Variants in UCK2 observed in about 807,000 individuals in gnomAD.
The protein encoded by UCK2 is cytidine monophosphokinase 2.
Under a neutral mutation model 30.8 loss-of-function variants are expected in UCK2, and 6 were observed. That is an observed-to-expected ratio of 0.19 (90% confidence interval 0.11 to 0.38). The LOEUF is 0.38. Ranked by LOEUF, UCK2 falls within the 10% of genes least tolerant of loss-of-function variation. The probability of loss-of-function intolerance (pLI) is 1.00; values close to 1 mark genes in which losing one functional copy is unlikely to be tolerated. For missense variants in UCK2, 210 were observed against 339.8 expected, an observed-to-expected ratio of 0.62 and a Z score of 3.00; for synonymous variants, 125 against 133.6, an observed-to-expected ratio of 0.94 and a Z score of 0.45.
chr1:165,851,957 C>T (rs1473832764), intron 1 of UCK2, among the ~76,000 whole-genome samples: 1 of 152,186 alleles, frequency 6.6e-6, no homozygotes, highest in Non-Finnish European at 1.5e-5. Context: ...AGTATATGTA[C>T]TACATTTTCT....
At chr1:165,877,729 A>AT (rs914314637) in intron 1 of UCK2, among the ~76,000 whole-genome samples, 6 of 152,102 alleles carry the variant, frequency 3.9e-5, no homozygotes, top group African/African-American at 1.4e-4. Context: ...TTGTGTATGT[A>AT]TTTTTGTGTG....
At chr1:165,836,927 C>A (rs1171139253) in intron 1 of UCK2, among the ~76,000 whole-genome samples, 3 of 152,126 alleles carry the variant, frequency 2.0e-5, no homozygotes, top group Non-Finnish European at 2.9e-5. Context: ...TTTGCTGTGT[C>A]ATGGTCATCC....
rs144103233 is a variant in UCK2 at position 165,835,659 on chromosome 1, A to G, written c.99+7727A>G. Among the ~76,000 whole-genome samples the G allele has an allele frequency of 2.5e-3, 375 of 152,262 alleles. 2 individuals carry two copies. The highest frequency in any genetic ancestry group is 2.7e-3 in the Non-Finnish European group (185 of 68,018). Reference sequence around the variant, plus strand: ...CTCTAAATCTATAATAATTTGACCTATTGTCATACATTTTAAAACATGTAG... The same window carrying G: ...CTCTAAATCTATAATAATTTGACCTGTTGTCATACATTTTAAAACATGTAG... On this transcript the variant is annotated intron_variant, in intron 1 of 6. Coordinates refer to ENST00000367879, the MANE Select transcript of UCK2 (RefSeq NM_012474.5).
chr1:165,872,383 G>A (rs1040233633), intron 1 of UCK2, among the ~76,000 whole-genome samples: 2 of 152,070 alleles, frequency 1.3e-5, no homozygotes, highest in South Asian at 4.1e-4. Flanking sequence ...CCGTCTTTTA[G>A]GCATATAAAA....
intron 1 of UCK2, chr1:165,885,483 GGAC>G (rs1655594529): frequency 2.5e-6 from 1 of 395,296 alleles, no homozygotes; most frequent in Admixed American, 4.4e-5. Context: ...CTTTGTATTT[GGAC>G]AACACCCAAC....
chr1:165,852,735 T>A (rs973556802), intron 1 of UCK2, among the ~76,000 whole-genome samples: 4 of 152,220 alleles, frequency 2.6e-5, no homozygotes. Context: ...TCCTTCCTTA[T>A]ATAAGTTCTT....
intron 1 of UCK2, among the ~76,000 whole-genome samples, chr1:165,850,235 A>T (rs1206323423): frequency 6.6e-6 from 1 of 151,012 alleles, no homozygotes; most frequent in Non-Finnish European, 1.5e-5. Flanking sequence ...GGTTCAAGCG[A>T]TTCTCCTGCC....
At chr1:165,861,459 T>C (rs1301760385) in intron 1 of UCK2, among the ~76,000 whole-genome samples, 1 of 150,776 alleles carries the variant, frequency 6.6e-6, no homozygotes, top group Non-Finnish European at 1.5e-5. Flanking sequence ...AAACCCCGTC[T>C]CTACTAAAAA....
chr1:165,902,626 C>T (rs1366099183), intron 4 of UCK2: 1 of 37,816 alleles, frequency 2.6e-5, no homozygotes, highest in Non-Finnish European at 6.1e-5. Context: ...TTTTGGCAAA[C>T]CTCTGTGCAT....
At chr1:165,839,750 A>G (rs10918291) in intron 1 of UCK2, among the ~76,000 whole-genome samples, 64,908 of 151,958 alleles carry the variant, frequency 0.43, 13,887 homozygotes, top group South Asian at 0.55. Flanking sequence ...ACCTATTCCT[A>G]CATCTGTGAA....
chr1:165,845,474 C>T (rs945374556), intron 1 of UCK2, among the ~76,000 whole-genome samples: 20 of 151,944 alleles, frequency 1.3e-4, no homozygotes, highest in Admixed American at 3.3e-4. Context: ...TTTTTTTCTT[C>T]GCAACTCTTT....
chr1:165,879,545 T>TTATTATTATTA (rs1655426276), intron 1 of UCK2, among the ~76,000 whole-genome samples: 61 of 146,878 alleles, frequency 4.2e-4, no homozygotes, highest in African/African-American at 1.5e-3. Flanking sequence ...ATGTTTGCTT[T>TTATTATTATTA]TTATTATTAT....
intron 4 of UCK2, among the ~76,000 whole-genome samples, chr1:165,897,044 G>A (rs1647283646): frequency 6.6e-6 from 1 of 152,226 alleles, no homozygotes; most frequent in Non-Finnish European, 1.5e-5. Flanking sequence ...ACTTGGATGT[G>A]GTGGGGTAGG....
intron 1 of UCK2, among the ~76,000 whole-genome samples, chr1:165,830,788 T>A (rs1654028783): frequency 6.6e-6 from 1 of 151,830 alleles, no homozygotes; most frequent in African/African-American, 2.4e-5. Context: ...AATCCTAGCA[T>A]TTTGGGAGGC....
chr1:165,903,422 G>A, intron 5 of UCK2, 143 bp downstream of exon 5: 1 of 689,242 alleles, frequency 1.5e-6, no homozygotes, highest in Non-Finnish European at 2.4e-6. Flanking sequence ...AGTCCTAAGA[G>A]AGGGCAGCCC....
Position 165,906,577 on chromosome 1 carries a change from T to A in UCK2, c.646+608T>A, listed in dbSNP as rs139827315. Among the ~76,000 whole-genome samples, 761 of 152,292 alleles carry A rather than the reference T, an allele frequency of 5.0e-3. 3 individuals are homozygous for A. Among genetic ancestry groups the A allele is most frequent in the African/African-American group, 0.018 (729 of 41,564 alleles). On this transcript the variant is annotated intron_variant, in intron 6 of 6. Coordinates refer to ENST00000367879, the MANE Select transcript of UCK2 (RefSeq NM_012474.5). ...GTAGAGATGGTTTCATTATGTTGCC[T>A]AAGCTGGTCTAAAACTCCTACCTCA...
chr1:165,892,640 T>G (rs931593855), intron 3 of UCK2: 5 of 152,176 alleles, frequency 3.3e-5, no homozygotes, highest in African/African-American at 7.2e-5. Flanking sequence ...GGGGAAGTGG[T>G]GGTGGTGTCA....
intron 1 of UCK2, among the ~76,000 whole-genome samples, chr1:165,860,385 G>T (rs1654865158): frequency 6.6e-6 from 1 of 152,078 alleles, no homozygotes; most frequent in Non-Finnish European, 1.5e-5. Context: ...GTGACCTAGG[G>T]TTATAATTCA....
intron 1 of UCK2, among the ~76,000 whole-genome samples, chr1:165,853,155 G>A (rs1172826058): frequency 6.6e-6 from 1 of 152,126 alleles, no homozygotes; most frequent in African/African-American, 2.4e-5. Context: ...AGGCTTTAGC[G>A]CTAGTGCTGA....
Sources: allele counts gnomAD v4.1 joint callset (sites outside exome capture counted in the v4.1 genomes callset), GRCh38; gene constraint gnomAD v4.1.1; transcripts MANE v1.5; gene names NCBI Gene and HGNC (gene_info 2026-07-23, HGNC 2026-07-21).